PTPRT: variants seen among roughly 807,000 people sequenced by gnomAD.
PTPRT encodes protein tyrosine phosphatase receptor type T, also known as receptor-type tyrosine-protein phosphatase T.
Under a neutral mutation model 176.8 loss-of-function variants are expected in PTPRT, and 56 were observed. The ratio of observed to expected loss-of-function variants is 0.32; its 90% CI spans 0.26 to 0.40. The LOEUF (loss-of-function observed/expected upper bound fraction) is 0.40, where lower values mean the gene tolerates loss of function less well. Among genes scored for constraint, PTPRT ranks in the 10% least tolerant of loss-of-function variants. The pLI is 1.00. For missense variants in PTPRT, 1,540 were observed against 1,908.2 expected (o/e 0.81, Z 3.60); for synonymous variants, 783 against 739.0 (o/e 1.06, Z -0.96).
At chr20:43,054,155 T>G (rs1987148393) in intron 1 of PTPRT, among the ~76,000 whole-genome samples, 1 of 152,136 alleles carries the variant, frequency 6.6e-6, no homozygotes, top group South Asian at 2.1e-4. Context: ...TTTTAGAAGC[T>G]TCACCTCCAA....
intron 1 of PTPRT, among the ~76,000 whole-genome samples, chr20:43,131,560 T>G (rs2013648624): frequency 6.6e-6 from 1 of 152,238 alleles, no homozygotes; most frequent in Non-Finnish European, 1.5e-5. Flanking sequence ...TACTTTCTAT[T>G]TCTTTTAAGT....
rs116490239 is a variant in PTPRT, at chr20:42,886,962, C to T, written c.89-1030G>A. On this transcript the variant is annotated intron_variant, in intron 1 of 30. Transcript: ENST00000373187. ...GGTGCACAAATGCAGGGAGGCAGAA[C>T]TGGGACTGAGTTCTACAGCAGCCTC... Among the ~76,000 whole-genome samples, 222 of 152,288 alleles carry T rather than the reference C, an allele frequency of 1.5e-3. 3 individuals carry two copies. Among genetic ancestry groups the T allele is most frequent in the African/African-American group, 5.2e-3 (217 of 41,542 alleles).
intron 5 of PTPRT, among the ~76,000 whole-genome samples, chr20:42,763,330 T>C (rs563403808): frequency 6.6e-6 from 1 of 152,318 alleles, no homozygotes; most frequent in African/African-American, 2.4e-5. Flanking sequence ...GTGGAAACAG[T>C]ACTGTCTTTA....
chr20:42,781,129 C>T (rs1020040217), intron 3 of PTPRT, among the ~76,000 whole-genome samples: 6 of 151,940 alleles, frequency 3.9e-5, no homozygotes, highest in Non-Finnish European at 7.4e-5. Flanking sequence ...CTCAGGCTCA[C>T]GTGGTAGCCT....
the PTPRT span, among the ~76,000 whole-genome samples, chr20:42,046,272 G>A: frequency 1.3e-5 from 2 of 152,156 alleles, no homozygotes; most frequent in African/African-American, 2.4e-5. Context: ...AGGTGTTGCC[G>A]ACACTCTTCT....
intron 1 of PTPRT, among the ~76,000 whole-genome samples, chr20:43,002,331 C>A (rs979488261): frequency 6.7e-6 from 1 of 149,762 alleles, no homozygotes; most frequent in African/African-American, 2.5e-5. Flanking sequence ...AAGAAAATAA[C>A]AGCAGTGACT....
chr20:42,993,066 G>A (rs1488232034), intron 1 of PTPRT, among the ~76,000 whole-genome samples: 1 of 152,100 alleles, frequency 6.6e-6, no homozygotes, highest in Non-Finnish European at 1.5e-5. Flanking sequence ...TGAGTTTCAA[G>A]GGGAAGGGAC....
At chr20:42,321,277 AG>A (rs1409187074) in intron 11 of PTPRT, among the ~76,000 whole-genome samples, 2 of 152,118 alleles carry the variant, frequency 1.3e-5, no homozygotes, top group African/African-American at 4.8e-5. Flanking sequence ...AATTACCCAG[AG>A]GGCTTTCAGA....
At chr20:42,994,168 CT>C (rs1600631783) in intron 1 of PTPRT, among the ~76,000 whole-genome samples, 1 of 152,214 alleles carries the variant, frequency 6.6e-6, no homozygotes, top group East Asian at 1.9e-4. Flanking sequence ...CACCTCATTT[CT>C]GAGCTTCTCT....
chr20:42,248,805 A>G lies in PTPRT; in HGVS notation c.2194T>C (p.Ser732Pro). 1 of 1,614,008 alleles carries G rather than the reference A, an allele frequency of 6.2e-7. No homozygotes were observed. The highest frequency in any genetic ancestry group is 1.1e-5 in the South Asian group (1 of 91,064). ...TGCTTCTCTGGCTCCACAGTGTTAG[A>G]ATTCTGGGTGGAGGCACCTAGGAAG... is the stretch of plus-strand genomic sequence containing the variant. ...LATKGASTQN[S>P]NTVEPEKQVD... is the part of the protein sequence containing the mutation. The change falls in exon 14 of 31, where the codon TCT becomes CCT. Residue 732 changes from serine (S) to proline (P), a missense_variant. Ser to Pro is a moderately conservative substitution (Grantham distance 74). Coordinates refer to ENST00000373187, the MANE Select transcript of PTPRT (RefSeq NM_007050.6).
intron 7 of PTPRT, among the ~76,000 whole-genome samples, chr20:42,663,538 C>T (rs1168775372): frequency 6.6e-6 from 1 of 152,120 alleles, no homozygotes; most frequent in African/African-American, 2.4e-5. Flanking sequence ...GACTGATGTT[C>T]TAGAATCCAG....
chr20:42,033,436 C>A, the PTPRT span, among the ~76,000 whole-genome samples: 1 of 152,136 alleles, frequency 6.6e-6, no homozygotes, highest in Non-Finnish European at 1.5e-5. Flanking sequence ...ACACTGTGCT[C>A]CACCCACAGT....
At chr20:42,380,161 ACCT>A (rs754657099) in intron 9 of PTPRT, among the ~76,000 whole-genome samples, 1 of 151,954 alleles carries the variant, frequency 6.6e-6, no homozygotes, top group Non-Finnish European at 1.5e-5. Context: ...ATTTTTAAAA[ACCT>A]TGAACTTCAG....
At chr20:42,187,207 T>C (rs187554144) in intron 16 of PTPRT, among the ~76,000 whole-genome samples, 48 of 152,318 alleles carry the variant, frequency 3.2e-4, no homozygotes, top group African/African-American at 1.1e-3. Flanking sequence ...CCCTATTTCA[T>C]GGGCTTTTTG....
chr20:42,173,183 G>C (rs1303830122), intron 16 of PTPRT, among the ~76,000 whole-genome samples: 1 of 152,124 alleles, frequency 6.6e-6, no homozygotes, highest in African/African-American at 2.4e-5. Flanking sequence ...ATCTGGTCTA[G>C]AGAGGAAGCA....
chr20:42,740,333 C>G (rs1337410626), intron 6 of PTPRT, among the ~76,000 whole-genome samples: 2 of 152,156 alleles, frequency 1.3e-5, no homozygotes, highest in Non-Finnish European at 2.9e-5. Flanking sequence ...CCAGAGCATT[C>G]CAGGGACGTG....
intron 1 of PTPRT, among the ~76,000 whole-genome samples, chr20:43,076,625 T>A (rs985741909): frequency 6.6e-6 from 1 of 152,156 alleles, no homozygotes; most frequent in African/African-American, 2.4e-5. Flanking sequence ...AGAGGCCACC[T>A]ACTAGTTGGA....
chr20:42,528,233 T>G (rs2072313671), intron 7 of PTPRT, among the ~76,000 whole-genome samples: 1 of 152,136 alleles, frequency 6.6e-6, no homozygotes, highest in Non-Finnish European at 1.5e-5. Context: ...CCTTCAGAAC[T>G]CAGCTCAAAT....
chr20:42,573,448 G>A (rs1601297251), intron 7 of PTPRT, among the ~76,000 whole-genome samples: 2 of 152,192 alleles, frequency 1.3e-5, no homozygotes, highest in Non-Finnish European at 2.9e-5. Context: ...ATTGTCCTTG[G>A]CAATAAAGAG....
Sources: allele counts gnomAD v4.1 joint callset (sites outside exome capture counted in the v4.1 genomes callset), GRCh38; gene constraint gnomAD v4.1.1; transcripts MANE v1.5; gene names NCBI Gene and HGNC (gene_info 2026-07-23, HGNC 2026-07-21).